The following MCPH1 variants were observed in gnomAD, a reference collection of about 807,000 sequenced individuals.
The protein encoded by MCPH1 is microcephalin 1.
In MCPH1, 104 loss-of-function variants were observed where a neutral mutation model predicts 84.5. That is an observed-to-expected ratio of 1.23 (90% CI 1.05 to 1.45). The LOEUF (loss-of-function observed/expected upper bound fraction) is 1.45, where lower values mean the gene tolerates loss of function less well. Among genes scored for constraint, MCPH1 ranks in the 40% most tolerant of loss-of-function variants. MCPH1 has a pLI of 0.00. For missense variants in MCPH1, 1,498 were observed against 1,005.7 expected, an observed-to-expected ratio of 1.49 and a Z score of -6.62; for synonymous variants, 514 against 366.8, an observed-to-expected ratio of 1.40 and a Z score of -4.58.
intron 12 of MCPH1, among the ~76,000 whole-genome samples, chr8:6,555,288 A>G (rs770961501): frequency 6.6e-6 from 1 of 152,168 alleles, no homozygotes; most frequent in Non-Finnish European, 1.5e-5. Context: ...GCCACATGGA[A>G]CTTCCCTGAG....
chr8:6,583,874 A>C, intron 12 of MCPH1, among the ~76,000 whole-genome samples: 1 of 137,164 alleles, frequency 7.3e-6, no homozygotes, highest in South Asian at 2.3e-4. Context: ...TTTTTAAGAC[A>C]TATCTTTGGC....
In MCPH1 at chr8:6,643,628, A is replaced by T. The variant is rs1798071670; in HGVS notation, c.*579A>T. On this transcript the variant is annotated 3_prime_UTR_variant, in exon 14 of 14. Coordinates refer to ENST00000344683, the MANE Select transcript of MCPH1 (RefSeq NM_024596.5). ...AAATAAAGAATGGAAATTCAATGACATTGTTTTATTACTGAGAACAACTAG... is the reference window on the plus strand; with the variant it reads ...AAATAAAGAATGGAAATTCAATGACTTTGTTTTATTACTGAGAACAACTAG... 6.4e-6 allele frequency: 1 copy of T among 157,104 alleles called. No individual in the cohort carries two copies. The allele number at this position is 157,104 out of a possible 1,614,324, so 9.7% of individuals were successfully genotyped here.
chr8:6,422,064 T>C (rs548510228), intron 3 of MCPH1, among the ~76,000 whole-genome samples: 9 of 152,366 alleles, frequency 5.9e-5, no homozygotes, highest in African/African-American at 1.7e-4. Context: ...TCTCAGCTCC[T>C]TTTTTCCTGT....
At chr8:6,478,023 G>T (rs982532486) in intron 10 of MCPH1, among the ~76,000 whole-genome samples, 1 of 152,210 alleles carries the variant, frequency 6.6e-6, no homozygotes, top group African/African-American at 2.4e-5. Context: ...TTTTGTGGAA[G>T]GGTTAATAGC....
At chr8:6,583,314 G>A (rs948702584) in intron 12 of MCPH1, among the ~76,000 whole-genome samples, 4 of 151,958 alleles carry the variant, frequency 2.6e-5, no homozygotes, top group African/African-American at 9.7e-5. Flanking sequence ...ACAAATAATA[G>A]CTGGCAGAGT....
intron 1 of MCPH1, among the ~76,000 whole-genome samples, chr8:6,408,237 A>G (rs533647340): frequency 6.6e-6 from 1 of 152,330 alleles, no homozygotes; most frequent in East Asian, 1.9e-4. Context: ...TTCAGTAGAA[A>G]TTTATTTATG....
At chr8:6,514,597 G>T in intron 12 of MCPH1, 1 of 1,236,916 alleles carries the variant, frequency 8.1e-7, no homozygotes, top group Non-Finnish European at 1.2e-6. Flanking sequence ...GTTTGGGATT[G>T]GTGGTTAAGG....
intron 9 of MCPH1, among the ~76,000 whole-genome samples, chr8:6,466,661 G>A (rs1473643964): frequency 1.3e-5 from 2 of 151,396 alleles, no homozygotes; most frequent in South Asian, 4.2e-4. Flanking sequence ...AGGATGGTCC[G>A]ATCTCCTGAC....
At chr8:6,407,995 G>C (rs1185464582) in intron 1 of MCPH1, among the ~76,000 whole-genome samples, 1 of 152,186 alleles carries the variant, frequency 6.6e-6, no homozygotes. Context: ...TTATGTTTGT[G>C]CCACAACCGT....
At chr8:6,548,675 A>G (rs57554390) in intron 12 of MCPH1, among the ~76,000 whole-genome samples, 68 of 152,316 alleles carry the variant, frequency 4.5e-4, no homozygotes, top group African/African-American at 1.5e-3. Flanking sequence ...AGATTTGAAA[A>G]AAGGAAGAAA....
At chr8:6,600,501 G>A (rs1409800888) in intron 12 of MCPH1, among the ~76,000 whole-genome samples, 2 of 152,228 alleles carry the variant, frequency 1.3e-5, no homozygotes, top group East Asian at 1.9e-4. Flanking sequence ...CACCCTTGGC[G>A]GCACATCTCC....
rs150925138 is a variant in MCPH1, at chr8:6,475,271, T to A, written c.1936-2323T>A. On this transcript the variant is annotated intron_variant, in intron 9 of 13. Coordinates refer to ENST00000344683, the MANE Select transcript of MCPH1 (RefSeq NM_024596.5). ...CAAATGCTGGGGAGCAGGGTGCAAGTGTTTACTTGGGTGCCCTTCACGGGC... is the reference window on the plus strand; with the variant it reads ...CAAATGCTGGGGAGCAGGGTGCAAGAGTTTACTTGGGTGCCCTTCACGGGC... 2.4e-3 allele frequency among the ~76,000 whole-genome samples: 362 copies of A among 152,312 alleles called. 4 individuals carry two copies. The highest frequency in any genetic ancestry group is 8.4e-3 in the African/African-American group (351 of 41,570).
At chr8:6,446,629 A>G in intron 8 of MCPH1, 7 of 980,982 alleles carry the variant, frequency 7.1e-6, no homozygotes, top group Non-Finnish European at 8.5e-6. Context: ...TGTTGACTCA[A>G]AAGTTAATAT....
At chr8:6,616,785 C>T (rs1830830693) in intron 12 of MCPH1, 2 of 152,238 alleles carry the variant, frequency 1.3e-5, no homozygotes, top group Non-Finnish European at 2.9e-5. Context: ...GACTACTGAG[C>T]AGTCCTGTTG....
intron 7 of MCPH1, 25 bp from the exon 8 acceptor site, chr8:6,444,368 T>G: frequency 6.2e-7 from 1 of 1,613,704 alleles, no homozygotes; most frequent in East Asian, 2.2e-5. Flanking sequence ...CTTTTAAAAG[T>G]TAGCTCTCCG....
In MCPH1 at chr8:6,621,700, C is replaced by G. The variant is rs200446680; in HGVS notation, c.2452+9C>G. ...TGAGAAATGGGTCTTAGGTAAGAAT[C>G]CAGGCACACAGACGCTGTGGTGTGG... On this transcript the variant is annotated intron_variant, in intron 13 of 13. Transcript: ENST00000344683. The G allele has an allele frequency of 1.2e-6, 2 of 1,614,066 alleles. No homozygotes were observed. Among genetic ancestry groups the G allele is most frequent in the Non-Finnish European group, 1.7e-6 (2 of 1,180,034 alleles).
chr8:6,582,078 A>G (rs1320273960), intron 12 of MCPH1, among the ~76,000 whole-genome samples: 1 of 152,146 alleles, frequency 6.6e-6, no homozygotes, highest in East Asian at 1.9e-4. Flanking sequence ...GGTCAACATT[A>G]GGTAACCTGC....
intron 12 of MCPH1, among the ~76,000 whole-genome samples, chr8:6,510,063 C>G (rs900142576): frequency 6.6e-6 from 1 of 152,126 alleles, no homozygotes; most frequent in Non-Finnish European, 1.5e-5. Context: ...CCATTGTAAG[C>G]TGAATTGCAA....
At chr8:6,446,812 A>G (rs1804446808) in intron 8 of MCPH1, 10 of 985,300 alleles carry the variant, frequency 1.0e-5, no homozygotes, top group South Asian at 4.7e-5. Context: ...GGCATGGCCT[A>G]AAATCCCCGT....
Sources: gnomAD v4.1 joint callset for allele counts (sites outside exome capture counted in the v4.1 genomes callset) on GRCh38, gnomAD v4.1.1 for gene constraint, MANE v1.5 for transcripts, NCBI Gene and HGNC (gene_info 2026-07-23, HGNC 2026-07-21) for gene names.